RNF19B: variants seen among roughly 807,000 people sequenced by gnomAD.
RNF19B encodes the protein ring finger protein 19B.
Under a neutral mutation model 65.5 loss-of-function variants are expected in RNF19B, and 23 were observed. The ratio of observed to expected loss-of-function variants is 0.35; its 90% CI spans 0.25 to 0.50. The LOEUF (loss-of-function observed/expected upper bound fraction) is 0.50. RNF19B is among the 20% of genes least tolerant of loss of function. RNF19B has a pLI of 0.98. For synonymous variants in RNF19B, 372 were observed against 379.6 expected (o/e 0.98, Z 0.23); for missense variants, 794 against 980.0 (o/e 0.81, Z 2.53).
chr1:32,930,656 C>T, the RNF19B span, among the ~76,000 whole-genome samples: 1 of 152,228 alleles, frequency 6.6e-6, no homozygotes, highest in Non-Finnish European at 1.5e-5. Context: ...AGTCCTCCCA[C>T]CTCAGCCTCC....
At chr1:32,941,872 C>G (rs922383215) in intron 7 of RNF19B, among the ~76,000 whole-genome samples, 2 of 151,336 alleles carry the variant, frequency 1.3e-5, no homozygotes, top group Non-Finnish European at 2.9e-5. Context: ...CCAAGGCGGG[C>G]GGATCACGAG....
Position 32,948,419 on chromosome 1 carries a change from T to C in RNF19B, c.842-56A>G. ...AAAATACCCCTAGTTAAATCCAGTT[T>C]GATTTAATTGTTCCTAGGAGTATAT... On this transcript the variant is annotated intron_variant, in intron 2 of 8. Transcript: ENST00000235150. 3.2e-6 allele frequency: 5 copies of C among 1,565,972 alleles called. No individual in the cohort carries two copies. The South Asian group carries it at 4.5e-5, about 14-fold the overall frequency.
intron 1 of RNF19B, among the ~76,000 whole-genome samples, chr1:32,959,957 A>T (rs1042526748): frequency 1.6e-4 from 25 of 151,838 alleles, no homozygotes; most frequent in African/African-American, 5.5e-4. Flanking sequence ...AGGCTGAGGC[A>T]GGAGAATGGC....
At chr1:32,940,642 T>C (rs151208199) in intron 7 of RNF19B, among the ~76,000 whole-genome samples, 1 of 152,318 alleles carries the variant, frequency 6.6e-6, no homozygotes, top group Admixed American at 6.5e-5. Context: ...CTTTTCACAG[T>C]TGAAGGTCCT....
chr1:32,931,669 C>T (rs910389645), downstream of RNF19B, among the ~76,000 whole-genome samples: 44 of 152,222 alleles, frequency 2.9e-4, no homozygotes, highest in African/African-American at 9.2e-4. Context: ...ATGAGCCTTG[C>T]GGCTACAAAA....
intron 3 of RNF19B, among the ~76,000 whole-genome samples, chr1:32,947,121 T>C (rs1368748701): frequency 1.3e-5 from 2 of 152,238 alleles, no homozygotes; most frequent in African/African-American, 2.4e-5. Context: ...CCATTCTCTT[T>C]GTGCTATCTT....
chr1:32,950,253 G>A (rs1337267172), intron 1 of RNF19B, among the ~76,000 whole-genome samples: 3 of 151,980 alleles, frequency 2.0e-5, no homozygotes, highest in Non-Finnish European at 4.4e-5. Flanking sequence ...GATTACAGGC[G>A]TGAGCCACCA....
chr1:32,936,974 C>T lies in RNF19B; in HGVS notation c.2028G>A (p.Val676=). ...LESSDAQSDD[V]PDITSDECGS... ...CACACTCATCTGAGGTGATGTCTGGCACATCGTCTGACTGTGCATCAGAAC... is the reference window on the plus strand; with the variant it reads ...CACACTCATCTGAGGTGATGTCTGGTACATCGTCTGACTGTGCATCAGAAC... Residue 676 remains valine, a synonymous_variant, in exon 9 of 9, where the codon GTG becomes GTA. Coordinates refer to ENST00000235150, the MANE Select transcript of RNF19B (RefSeq NM_001300826.2). 2 of 1,614,116 alleles carry T rather than the reference C, an allele frequency of 1.2e-6. No homozygotes were observed. The highest frequency in any genetic ancestry group is 2.2e-5 in the South Asian group (2 of 91,080).
chr1:32,938,662 A>G, intron 7 of RNF19B, 134 bp from the exon 8 acceptor site: 1 of 852,058 alleles, frequency 1.2e-6, no homozygotes, highest in Non-Finnish European at 1.9e-6. Context: ...ACTGTCAAAC[A>G]GCGCAAATAG....
In RNF19B at chr1:32,940,532, T is replaced by C. The variant is rs1570081896; in HGVS notation, c.1610+1720A>G. On this transcript the variant is annotated intron_variant, in intron 7 of 8. Coordinates refer to ENST00000235150, the MANE Select transcript of RNF19B (RefSeq NM_001300826.2). The stretch of plus-strand genomic sequence containing the variant: ...TTTCCTCTTTGGGCTTTCATGTTGC[T>C]TTTCCCTATATTCTCTATACTGAAC... 2.0e-5 allele frequency among the ~76,000 whole-genome samples: 3 copies of C among 152,188 alleles called. No homozygotes were observed. The East Asian group carries it at 5.8e-4, about 29-fold the overall frequency.
rs2124205576 is a variant in RNF19B at position 32,964,668 on chromosome 1, G to A, written c.18C>T (p.Asp6=). The part of the protein sequence containing the change: MGSEK[D]SESPRSTSLH... ...GCGATGTGGAGCGCGGCGACTCGGAGTCCTTCTCGGAGCCCATGGCCGGCA... is the reference window on the plus strand; with the variant it reads ...GCGATGTGGAGCGCGGCGACTCGGAATCCTTCTCGGAGCCCATGGCCGGCA... The change falls in exon 1 of 9, where the codon GAC becomes GAT. Residue 6 remains aspartate (D), a synonymous_variant. Coordinates refer to ENST00000235150, the MANE Select transcript of RNF19B (RefSeq NM_001300826.2). This position sits in a 1 kb window ranked among gnomAD's most constrained non-coding sequence, Gnocchi z 6.5. 1.4e-6 allele frequency: 2 copies of A among 1,471,062 alleles called. No homozygotes were observed. Among genetic ancestry groups the A allele is most frequent in the African/African-American group, 1.5e-5 (1 of 67,930 alleles). The allele number at this position is 1,471,062 out of a possible 1,614,324, so 91.1% of individuals were successfully genotyped here.
chr1:32,946,657 TA>T, intron 3 of RNF19B, 93 bp from the exon 4 acceptor site: 1 of 1,133,442 alleles, frequency 8.8e-7, no homozygotes, highest in Non-Finnish European at 1.3e-6. Flanking sequence ...TTCTTTTCAG[TA>T]AGGATTAACA....
chr1:32,943,476 C>T (rs139811300), intron 6 of RNF19B, among the ~76,000 whole-genome samples: 70 of 151,946 alleles, frequency 4.6e-4, no homozygotes, highest in African/African-American at 1.6e-3. Context: ...ATTAGCCAGG[C>T]GTGGTGGCAC....
At chr1:32,940,327 C>G (rs1642203535) in intron 7 of RNF19B, among the ~76,000 whole-genome samples, 1 of 152,178 alleles carries the variant, frequency 6.6e-6, no homozygotes, top group Non-Finnish European at 1.5e-5. Context: ...GCTACTCATT[C>G]TGGGATGGGT....
intron 5 of RNF19B, among the ~76,000 whole-genome samples, chr1:32,945,141 T>TTA (rs1229481661): frequency 6.6e-6 from 1 of 152,178 alleles, no homozygotes; most frequent in Non-Finnish European, 1.5e-5. Context: ...AAACAAACTC[T>TTA]TATGCCTCCC....
At chr1:32,947,658 TA>T (rs375806177) in intron 3 of RNF19B, among the ~76,000 whole-genome samples, 1,265 of 125,532 alleles carry the variant, frequency 0.01, 4 homozygotes, top group Admixed American at 0.012. Context: ...AACTCTGTCT[TA>T]AAAAAAAAAA....
intron 1 of RNF19B, among the ~76,000 whole-genome samples, chr1:32,958,591 C>T (rs1408067659): frequency 1.3e-5 from 2 of 152,042 alleles, no homozygotes; most frequent in Admixed American, 1.3e-4. Flanking sequence ...TTGCAGGTGC[C>T]TGTAGTCCCA....
At position 32,964,369 on chromosome 1, in the gene RNF19B, G is replaced by A; in HGVS notation, c.317C>T (p.Ala106Val). 2 of 1,402,034 alleles carry A rather than the reference G, an allele frequency of 1.4e-6. No homozygotes were observed. The highest frequency in any genetic ancestry group is 1.9e-6 in the Non-Finnish European group (2 of 1,078,992). The allele number at this position is 1,402,034 out of a possible 1,614,324, so 86.8% of individuals were successfully genotyped here. The stretch of plus-strand genomic sequence containing the variant: ...CGCGCCCGGGCCACCGCCCTCCGCC[G>A]CCTCCTCATCGTCGAACCCAGGCTC... ...AAEPGFDDEEAAEGGGPGAEE... is the reference protein window; with the variant it reads ...AAEPGFDDEEVAEGGGPGAEE... The change falls in exon 1 of 9, where the codon GCG (alanine) becomes GTG (valine). Residue 106 changes from alanine to valine, a missense_variant. Physicochemically the swap from Ala to Val is moderately conservative, Grantham distance 64. Coordinates refer to ENST00000235150, the MANE Select transcript of RNF19B (RefSeq NM_001300826.2). The surrounding 1 kb of genome is among the most constrained non-coding windows in gnomAD (Gnocchi z 6.5).
chr1:32,945,853 G>A (rs566799221), intron 4 of RNF19B, among the ~76,000 whole-genome samples: 2 of 151,934 alleles, frequency 1.3e-5, no homozygotes, highest in Non-Finnish European at 2.9e-5. Flanking sequence ...CCAGCAGAAT[G>A]AAGTAAGCAT....
Sources: gnomAD v4.1 joint callset for allele counts (sites outside exome capture counted in the v4.1 genomes callset) on GRCh38, gnomAD v4.1.1 for gene constraint, Gnocchi (gnomAD v3.1) non-coding constraint, MANE v1.5 for transcripts, NCBI Gene and HGNC (gene_info 2026-07-23, HGNC 2026-07-21) for gene names.